NAALADL2: variants seen among roughly 807,000 people sequenced by gnomAD.
NAALADL2 encodes inactive N-acetylated-alpha-linked acidic dipeptidase-like protein 2.
Under a neutral mutation model 87.2 loss-of-function variants are expected in NAALADL2, and 76 were observed. That is an observed-to-expected ratio of 0.87 (90% CI 0.72 to 1.05). The LOEUF is 1.05. NAALADL2 is among the 50% of genes least tolerant of loss of function. The probability of loss-of-function intolerance (pLI) is 0.00; values close to 1 mark genes in which losing one functional copy is unlikely to be tolerated. For missense variants in NAALADL2, 1,089 were observed against 945.8 expected (o/e 1.15, Z -1.99); for synonymous variants, 354 against 331.0 (o/e 1.07, Z -0.75).
At chr3:175,147,300 C>T (rs1293252073) in intron 2 of NAALADL2, among the ~76,000 whole-genome samples, 1 of 152,094 alleles carries the variant, frequency 6.6e-6, no homozygotes, top group Non-Finnish European at 1.5e-5. Context: ...TCCATCCATA[C>T]CCAATATTTA....
intron 9 of NAALADL2, among the ~76,000 whole-genome samples, chr3:175,545,327 T>A (rs1713109657): frequency 6.6e-6 from 1 of 152,146 alleles, no homozygotes; most frequent in African/African-American, 2.4e-5. Flanking sequence ...TAGTATGAAA[T>A]CTATAACTAT....
At chr3:174,766,666 A>G (rs1166225167) in intron 3 of NAALADL2, among the ~76,000 whole-genome samples, 1 of 152,146 alleles carries the variant, frequency 6.6e-6, no homozygotes, top group Non-Finnish European at 1.5e-5. Flanking sequence ...TCTCTATTAT[A>G]GAATTGGAAT....
intron 1 of NAALADL2, among the ~76,000 whole-genome samples, chr3:175,036,146 A>G (rs1404507963): frequency 6.6e-6 from 1 of 152,106 alleles, no homozygotes; most frequent in Non-Finnish European, 1.5e-5. Context: ...TAGAATCAAA[A>G]TGTCACTAAA....
At chr3:175,491,247 C>A (rs58202754) in intron 9 of NAALADL2, among the ~76,000 whole-genome samples, 17,062 of 141,290 alleles carry the variant, frequency 0.12, 1,282 homozygotes, top group African/African-American at 0.21. Context: ...AAATATAATA[C>A]AATAAATATT....
intron 9 of NAALADL2, among the ~76,000 whole-genome samples, chr3:175,556,703 T>C (rs1715332503): frequency 6.6e-6 from 1 of 152,204 alleles, no homozygotes; most frequent in African/African-American, 2.4e-5. Context: ...GAAAAAAGTC[T>C]CATTTCTCTG....
intron 2 of NAALADL2, among the ~76,000 whole-genome samples, chr3:174,693,525 C>T (rs1461629896): frequency 3.9e-5 from 6 of 151,988 alleles, no homozygotes; most frequent in Non-Finnish European, 8.8e-5. Flanking sequence ...TTCTTCCCGG[C>T]AAAAAATATG....
At chr3:175,360,904 A>G (rs192621804) in intron 5 of NAALADL2, among the ~76,000 whole-genome samples, 268 of 150,834 alleles carry the variant, frequency 1.8e-3, no homozygotes, top group African/African-American at 6.2e-3. Flanking sequence ...GTTCTAGGGT[A>G]CATGTGTACA....
At chr3:174,646,842 T>C (rs1723841363) in intron 2 of NAALADL2, among the ~76,000 whole-genome samples, 2 of 152,128 alleles carry the variant, frequency 1.3e-5, no homozygotes, top group Admixed American at 1.3e-4. Context: ...ATGACCTTAT[T>C]TTTTCTTAAA....
intron 2 of NAALADL2, among the ~76,000 whole-genome samples, chr3:174,558,855 T>C (rs1039262887): frequency 6.6e-6 from 1 of 152,088 alleles, no homozygotes; most frequent in African/African-American, 2.4e-5. Flanking sequence ...TCCTGAAAAT[T>C]TGTGACTTTT....
intron 11 of NAALADL2, among the ~76,000 whole-genome samples, chr3:175,677,365 A>G (rs914063846): frequency 2.6e-5 from 4 of 152,108 alleles, no homozygotes; most frequent in Non-Finnish European, 5.9e-5. Context: ...CTGTCAAAAA[A>G]AAAAATAAAT....
chr3:175,044,743 A>C (rs1365667645), intron 1 of NAALADL2, among the ~76,000 whole-genome samples: 1 of 152,236 alleles, frequency 6.6e-6, no homozygotes, highest in East Asian at 1.9e-4. Context: ...TGCTGGGAAG[A>C]GAATCTTAAA....
intron 10 of NAALADL2, among the ~76,000 whole-genome samples, chr3:175,626,824 T>C (rs1378537555): frequency 6.6e-6 from 1 of 152,006 alleles, no homozygotes; most frequent in East Asian, 1.9e-4. Flanking sequence ...ACACTCAGTA[T>C]ACTTCTAAGT....
chr3:174,800,220 G>C (rs1287996930), intron 3 of NAALADL2, among the ~76,000 whole-genome samples: 5 of 152,092 alleles, frequency 3.3e-5, no homozygotes, highest in African/African-American at 1.2e-4. Context: ...AGACGATGGA[G>C]AAAATATCAC....
chr3:175,135,393 T>C (rs984901808), intron 2 of NAALADL2, among the ~76,000 whole-genome samples: 1 of 150,898 alleles, frequency 6.6e-6, no homozygotes, highest in Non-Finnish European at 1.5e-5. Flanking sequence ...TTTGTTAATA[T>C]CCCTAGGCTT....
At chr3:175,426,364 A>G (rs1232417770) in intron 5 of NAALADL2, among the ~76,000 whole-genome samples, 1 of 152,204 alleles carries the variant, frequency 6.6e-6, no homozygotes, top group Non-Finnish European at 1.5e-5. Flanking sequence ...CTCTATCTCA[A>G]AACAAAACAA....
chr3:175,276,421 A>G (rs1029850459), intron 4 of NAALADL2, among the ~76,000 whole-genome samples: 3 of 150,994 alleles, frequency 2.0e-5, no homozygotes, highest in African/African-American at 7.3e-5. Flanking sequence ...TGCCTGCCTC[A>G]GCCTCCCAAG....
In NAALADL2 at chr3:175,798,790, G is replaced by A. The variant is rs536501094; in HGVS notation, c.2190-4215G>A. ...ATTTTACAAAAATATATTAGATACTGTTCATGCTTATGTGAATTGCCATCA... is the reference window on the plus strand; with the variant it reads ...ATTTTACAAAAATATATTAGATACTATTCATGCTTATGTGAATTGCCATCA... On this transcript the variant is annotated intron_variant, in intron 13 of 13. Coordinates refer to ENST00000454872, the MANE Select transcript of NAALADL2 (RefSeq NM_207015.3). Among the ~76,000 whole-genome samples, 3 of 152,054 alleles carry A rather than the reference G, an allele frequency of 2.0e-5. No individual in the cohort carries two copies. The South Asian group carries it at 6.2e-4, about 32-fold the overall frequency.
rs1560476149 is a variant in NAALADL2 at position 175,013,289 on chromosome 3, ATATATATATATAT to A, written c.44-83499_44-83487del. On this transcript the variant is annotated intron_variant, in intron 1 of 13. Transcript: ENST00000454872. ...TTTTTATATATATACATATATATAT[ATATATATATATAT>A]TTTTTTTTTTTTTTGAGACAGGGTC... 5.2e-4 allele frequency among the ~76,000 whole-genome samples: 44 copies of A among 85,166 alleles called. 2 individuals are homozygous for A. Among genetic ancestry groups the A allele is most frequent in the African/African-American group, 2.6e-3 (37 of 14,492 alleles). The allele number at this position is 85,166 out of a possible 152,430, so 55.9% of individuals were successfully genotyped here.
chr3:174,600,232 G>A (rs1020999441), intron 2 of NAALADL2, among the ~76,000 whole-genome samples: 6 of 152,048 alleles, frequency 3.9e-5, no homozygotes, highest in South Asian at 2.1e-4. Context: ...TATAGATTTG[G>A]AAATTAAGTT....
Sources: allele counts gnomAD v4.1 joint callset (sites outside exome capture counted in the v4.1 genomes callset), GRCh38; gene constraint gnomAD v4.1.1; transcripts MANE v1.5; gene names NCBI Gene and HGNC (gene_info 2026-07-23, HGNC 2026-07-21).